DEPDC5: variants seen among roughly 807,000 people sequenced by gnomAD.
DEPDC5 encodes the protein GATOR1 complex protein DEPDC5.
In DEPDC5, 73 loss-of-function variants were observed where a neutral mutation model predicts 217.3. That is an observed-to-expected ratio of 0.34 (90% CI 0.28 to 0.41). DEPDC5 has a LOEUF of 0.41. Ranked by LOEUF, DEPDC5 falls within the 10% of genes least tolerant of loss-of-function variation. The pLI is 1.00. For synonymous variants in DEPDC5, 733 were observed against 756.7 expected (o/e 0.97, Z 0.51); for missense variants, 1,675 against 2,070.1 (o/e 0.81, Z 3.70).
chr22:31,874,348 G>T lies in DEPDC5; in HGVS notation c.3639G>T (p.Trp1213Cys). Reference sequence around the variant, plus strand: ...TCATCAGCGCGGAGGTGGTACACTGGTTGGTGAACCACGTGGAGGGGATCC... The same window carrying T: ...TCATCAGCGCGGAGGTGGTACACTGTTTGGTGAACCACGTGGAGGGGATCC... ...YCFISAEVVHWLVNHVEGIQT... is the reference protein window; with the variant it reads ...YCFISAEVVHCLVNHVEGIQT... Residue 1213 changes from tryptophan to cysteine, a missense_variant, in exon 36 of 43, where the codon TGG becomes TGT. By Grantham distance (215) the Trp-to-Cys change is radical. Around this residue, in one of 11 missense-constraint regions of DEPDC5, gnomAD observed 194 missense variants for 199.3 expected, o/e 0.97. Coordinates refer to ENST00000651528, the MANE Select transcript of DEPDC5 (RefSeq NM_001242896.3). 1.9e-6 allele frequency: 3 copies of T among 1,611,910 alleles called. No homozygotes were observed. The highest frequency in any genetic ancestry group is 2.5e-6 in the Non-Finnish European group (3 of 1,179,098).
At chr22:31,885,561 TA>T (rs776315254) in intron 38 of DEPDC5, among the ~76,000 whole-genome samples, 23 of 150,910 alleles carry the variant, frequency 1.5e-4, no homozygotes, top group South Asian at 6.3e-4. Flanking sequence ...CCATCTCTAC[TA>T]AAAATACAAA....
At chr22:31,760,495 C>T (rs1306292889) in intron 3 of DEPDC5, 161 bp from the exon 4 acceptor site, 4 of 628,546 alleles carry the variant, frequency 6.4e-6, no homozygotes, top group African/African-American at 1.9e-5. Context: ...TGAGCCACCG[C>T]ACCTGGCCGA....
intron 24 of DEPDC5, among the ~76,000 whole-genome samples, chr22:31,827,913 G>T (rs1459843688): frequency 6.6e-6 from 1 of 152,072 alleles, no homozygotes; most frequent in African/African-American, 2.4e-5. Flanking sequence ...CAGTCTCAGA[G>T]GTGTCCTGTA....
At chr22:31,874,177 G>T in intron 35 of DEPDC5, 96 bp from the exon 36 acceptor site, 1 of 1,495,766 alleles carries the variant, frequency 6.7e-7, no homozygotes, top group Non-Finnish European at 9.1e-7. Context: ...GGTATTAAAT[G>T]CTCTAGTGGG....
chr22:31,902,408 T>TTATTTATATATATATATATATATA (rs1555938650), intron 41 of DEPDC5, among the ~76,000 whole-genome samples: 6 of 111,930 alleles, frequency 5.4e-5, no homozygotes, highest in African/African-American at 1.4e-4. Flanking sequence ...CATCTCCTTA[T>TTATTTATATATATATATATATATA]TATATATATA....
At chr22:31,881,466 C>G (rs985086091) in intron 38 of DEPDC5, among the ~76,000 whole-genome samples, 1 of 152,076 alleles carries the variant, frequency 6.6e-6, no homozygotes, top group South Asian at 2.1e-4. Flanking sequence ...CTTCTCCCTT[C>G]ATTGCATTTC....
At chr22:31,755,140 A>G in intron 2 of DEPDC5, 161 bp downstream of exon 2, 3 of 711,912 alleles carry the variant, frequency 4.2e-6, no homozygotes, top group Non-Finnish European at 4.7e-6. Context: ...GGAGGATGGC[A>G]GGACCCTTCT....
rs777844378 is a variant in DEPDC5 at position 31,809,614 on chromosome 22, G to T, written c.1291G>T (p.Ala431Ser). ...AATTATCTATTTAATTTTTCAGCCCGCCTCTGAGAAAGCAAAAAATGGCCG... is the reference window on the plus strand; with the variant it reads ...AATTATCTATTTAATTTTTCAGCCCTCCTCTGAGAAAGCAAAAAATGGCCG... ...PRIKLAGKKPASEKAKNGRDT... is the reference protein window; with the variant it reads ...PRIKLAGKKPSSEKAKNGRDT... The change falls in exon 19 of 43, where the codon GCC (alanine) becomes TCC (serine). Residue 431 changes from alanine to serine, a missense_variant. By Grantham distance (99) the Ala-to-Ser change is moderately conservative. This residue lies in a region of DEPDC5 where 628 missense variants were observed against 762.1 expected (regional missense o/e 0.82). Transcript: ENST00000651528. 147 of 1,613,772 alleles carry T rather than the reference G, an allele frequency of 9.1e-5. No individual in the cohort carries two copies. Among genetic ancestry groups the T allele is most frequent in the Non-Finnish European group, 3.4e-5 (40 of 1,179,882 alleles).
chr22:31,815,307 T>A (rs2088942984), intron 21 of DEPDC5, 95 bp downstream of exon 21: 23 of 1,286,272 alleles, frequency 1.8e-5, no homozygotes, highest in Non-Finnish European at 2.4e-5. Flanking sequence ...GGGGTGTAAA[T>A]CCCACATCTT....
chr22:31,825,181 T>G (rs2090046841), intron 24 of DEPDC5, among the ~76,000 whole-genome samples: 1 of 152,176 alleles, frequency 6.6e-6, no homozygotes, highest in African/African-American at 2.4e-5. Flanking sequence ...AATTACAGGT[T>G]CTGATGGTAG....
rs569142726 is a variant in DEPDC5 at position 31,863,465 on chromosome 22, C to A, written c.3330+2032C>A. On this transcript the variant is annotated intron_variant, in intron 33 of 42. Transcript: ENST00000651528. ...TACAGGCGTGAGCCATTGTGCCTGG[C>A]CACCTTTTACATTCTTATAGGAGAC... Among the ~76,000 whole-genome samples, 5 of 152,284 alleles carry A rather than the reference C, an allele frequency of 3.3e-5. No homozygotes were observed. The South Asian group carries it at 1.0e-3, about 32-fold the overall frequency.
chr22:31,802,140 T>TC (rs1215368076), intron 14 of DEPDC5, among the ~76,000 whole-genome samples: 4 of 146,700 alleles, frequency 2.7e-5, no homozygotes, highest in African/African-American at 9.9e-5. Flanking sequence ...TTTTTTTTTT[T>TC]TTTTTTTTAG....
chr22:31,779,507 T>C (rs544096311), intron 8 of DEPDC5, among the ~76,000 whole-genome samples: 3 of 152,268 alleles, frequency 2.0e-5, no homozygotes, highest in East Asian at 3.9e-4. Flanking sequence ...GGTGAGGAGA[T>C]AGGCAGGTTC....
At chr22:31,812,664 T>A (rs1386123303) in intron 20 of DEPDC5, among the ~76,000 whole-genome samples, 1 of 147,356 alleles carries the variant, frequency 6.8e-6, no homozygotes, top group Non-Finnish European at 1.5e-5. Flanking sequence ...GATCTCGTGA[T>A]ACGCACACCT....
Position 31,899,390 on chromosome 22 carries a change from CT to C in DEPDC5, c.4375+1747del, listed in dbSNP as rs113285259. 5.4e-3 allele frequency among the ~76,000 whole-genome samples: 799 copies of C among 149,326 alleles called. 11 individuals are homozygous for C. Among genetic ancestry groups the C allele is most frequent in the African/African-American group, 0.018 (723 of 40,788 alleles). On this transcript the variant is annotated intron_variant, in intron 40 of 42. Coordinates refer to ENST00000651528, the MANE Select transcript of DEPDC5 (RefSeq NM_001242896.3). Reference sequence around the variant, plus strand: ...GCCAAAGTCTTTTTTGCTTTTTGCCCTTTTTTTTTTCTTTTTGTGACGTAGT... The same window carrying C: ...GCCAAAGTCTTTTTTGCTTTTTGCCCTTTTTTTTTCTTTTTGTGACGTAGT...
At chr22:31,870,778 G>T in intron 34 of DEPDC5, 34 bp downstream of exon 34, 1 of 1,500,470 alleles carries the variant, frequency 6.7e-7, no homozygotes, top group Non-Finnish European at 8.9e-7. Context: ...CATGTTCCTG[G>T]GGAGTGGGGA....
At chr22:31,892,110 C>T (rs1237479464) in intron 38 of DEPDC5, among the ~76,000 whole-genome samples, 1 of 152,178 alleles carries the variant, frequency 6.6e-6, no homozygotes, top group Non-Finnish European at 1.5e-5. Flanking sequence ...CAAGACTTGT[C>T]ACTGGTGGTC....
rs141827679 is a variant in DEPDC5, at chr22:31,823,915, G to A, written c.2104+1125G>A. Among the ~76,000 whole-genome samples, 648 of 152,304 alleles carry A rather than the reference G, an allele frequency of 4.3e-3. 2 individuals are homozygous for A. The highest frequency in any genetic ancestry group is 7.5e-3 in the Non-Finnish European group (513 of 68,018). On this transcript the variant is annotated intron_variant, in intron 24 of 42. Transcript: ENST00000651528. Reference sequence around the variant, plus strand: ...AGAGTAACATGAGCTTGGATCAGTAGGGGCAGCATTTGTGGAGCCTCAGAG... The same window carrying A: ...AGAGTAACATGAGCTTGGATCAGTAAGGGCAGCATTTGTGGAGCCTCAGAG...
chr22:31,888,572 CAG>C (rs1001289240), intron 38 of DEPDC5, among the ~76,000 whole-genome samples: 74 of 151,428 alleles, frequency 4.9e-4, no homozygotes, highest in African/African-American at 1.8e-3. Flanking sequence ...GTTTTTGACA[CAG>C]AGTCTTGCTC....
Sources: allele counts gnomAD v4.1 joint callset (sites outside exome capture counted in the v4.1 genomes callset), GRCh38; gene constraint gnomAD v4.1.1; regional missense constraint gnomAD v4.1.1; transcripts MANE v1.5; gene names NCBI Gene and HGNC (gene_info 2026-07-23, HGNC 2026-07-21).